Variants in VPS13C observed in about 807,000 individuals in gnomAD.
The protein encoded by VPS13C is intermembrane lipid transfer protein VPS13C.
In VPS13C, 358 loss-of-function variants were observed where a neutral mutation model predicts 456.8. That is an observed-to-expected ratio of 0.78 (90% confidence interval 0.72 to 0.86). The LOEUF is 0.86. VPS13C is among the 40% of genes least tolerant of loss of function. The pLI is 0.00. For missense variants in VPS13C, 4,818 were observed against 4,385.4 expected (o/e 1.10, Z -2.79); for synonymous variants, 1,578 against 1,486.7 (o/e 1.06, Z -1.41).
In VPS13C at chr15:61,947,185, C is replaced by A; in HGVS notation, c.4876+8G>T. On this transcript the variant is annotated splice_region_variant and intron_variant, in intron 43 of 84. Transcript: ENST00000644861. ...CAGAAATACCTACAACAAGAAGTAACTACTTACCATGTATTTTAATATCTG... is the reference window on the plus strand; with the variant it reads ...CAGAAATACCTACAACAAGAAGTAAATACTTACCATGTATTTTAATATCTG... 6.6e-7 allele frequency: 1 copy of A among 1,521,028 alleles called. No individual in the cohort carries two copies. The highest frequency in any genetic ancestry group is 8.9e-7 in the Non-Finnish European group (1 of 1,121,256). 94.2% of individuals were successfully genotyped at this position (1,521,028 alleles called of 1,614,324 possible).
At chr15:62,034,205 C>T (rs1346493270) in intron 4 of VPS13C, among the ~76,000 whole-genome samples, 1 of 151,522 alleles carries the variant, frequency 6.6e-6, no homozygotes, top group East Asian at 1.9e-4. Context: ...GTCACTGTCA[C>T]TGTGAAAACT....
At chr15:61,885,759 T>TACAATCCATACTGTTCCACACATAC (rs1896217896) in intron 67 of VPS13C, among the ~76,000 whole-genome samples, 1 of 152,138 alleles carries the variant, frequency 6.6e-6, no homozygotes, top group African/African-American at 2.4e-5. Flanking sequence ...ATTTTTCCCA[T>TACAATCCATACTGTTCCACACATAC]AATCAGTTGT....
At chr15:61,894,819 A>G (rs576406410) in intron 66 of VPS13C, among the ~76,000 whole-genome samples, 11 of 152,292 alleles carry the variant, frequency 7.2e-5, no homozygotes, top group African/African-American at 2.2e-4. Context: ...TCTCAGTAAT[A>G]GAGAGATCAT....
intron 16 of VPS13C, 114 bp downstream of exon 16, chr15:62,000,450 G>C: frequency 1.1e-6 from 1 of 942,766 alleles, no homozygotes; most frequent in Non-Finnish European, 1.6e-6. Context: ...TTTCTCCTGA[G>C]ACTAAATTAA....
rs143736854 is a variant in VPS13C at position 61,985,014 on chromosome 15, T to A, written c.1579-15A>T. ...TGGGCAACATACTATACAGAAAGAA[T>A]GAAATTAAAATTGTTAAAGTTTAAA... On this transcript the variant is annotated splice_polypyrimidine_tract_variant and intron_variant, in intron 18 of 84. Coordinates refer to ENST00000644861, the MANE Select transcript of VPS13C (RefSeq NM_020821.3). 7.2e-7 allele frequency: 1 copy of A among 1,397,746 alleles called. No individual in the cohort carries two copies. Among genetic ancestry groups the A allele is most frequent in the Non-Finnish European group, 9.4e-7 (1 of 1,064,118 alleles). 86.6% of individuals were successfully genotyped at this position (1,397,746 alleles called of 1,614,324 possible). A position where few individuals can be genotyped will look rare whatever the true frequency, so the allele number is the denominator to read the frequency against.
chr15:61,967,621 T>C (rs1029724414), intron 28 of VPS13C, among the ~76,000 whole-genome samples, 174 bp from the exon 29 acceptor site: 2 of 152,006 alleles, frequency 1.3e-5, no homozygotes, highest in African/African-American at 4.8e-5. Context: ...CCAATCCAAA[T>C]TGTTACCTCT....
intron 16 of VPS13C, among the ~76,000 whole-genome samples, chr15:61,992,935 GACA>G (rs2046270011): frequency 6.6e-6 from 1 of 151,850 alleles, no homozygotes; most frequent in Admixed American, 6.6e-5. Context: ...CCACTGAGAT[GACA>G]ACAAACTAGT....
intron 16 of VPS13C, among the ~76,000 whole-genome samples, chr15:61,994,567 G>A (rs1362961984): frequency 6.6e-6 from 1 of 151,802 alleles, no homozygotes; most frequent in Non-Finnish European, 1.5e-5. Flanking sequence ...TCTGGTATAT[G>A]CACAGAATGG....
At chr15:61,899,789 G>A (rs1316793840) in intron 66 of VPS13C, among the ~76,000 whole-genome samples, 1 of 151,950 alleles carries the variant, frequency 6.6e-6, no homozygotes, top group Non-Finnish European at 1.5e-5. Context: ...TGATACCAAA[G>A]CTGGGCAGAG....
intron 53 of VPS13C, among the ~76,000 whole-genome samples, chr15:61,924,613 A>T (rs2043784006): frequency 6.6e-6 from 1 of 152,216 alleles, no homozygotes; most frequent in African/African-American, 2.4e-5. Context: ...TTTTTCCCTC[A>T]TTTACTACTT....
rs773654550 is a variant in VPS13C at position 61,875,714 on chromosome 15, C to T, written c.10338+18G>A. On this transcript the variant is annotated intron_variant, in intron 76 of 84. Transcript: ENST00000644861. Reference sequence around the variant, plus strand: ...CATTTTTCTGTACCTATCCTTAGAACAAATAAGAGGTCAATACCTGGAAGG... The same window carrying T: ...CATTTTTCTGTACCTATCCTTAGAATAAATAAGAGGTCAATACCTGGAAGG... 3 of 1,579,574 alleles carry T rather than the reference C, an allele frequency of 1.9e-6. No individual in the cohort carries two copies. Among genetic ancestry groups the T allele is most frequent in the Non-Finnish European group, 2.6e-6 (3 of 1,152,746 alleles).
At chr15:62,026,918 T>G (rs1596497418) in intron 6 of VPS13C, among the ~76,000 whole-genome samples, 1 of 152,124 alleles carries the variant, frequency 6.6e-6, no homozygotes, top group Admixed American at 6.5e-5. Context: ...TGCCACTGCC[T>G]TGAATCATGC....
At chr15:61,934,416 T>G (rs1290009591) in intron 48 of VPS13C, 85 bp from the exon 49 acceptor site, 3 of 671,416 alleles carry the variant, frequency 4.5e-6, no homozygotes, top group Non-Finnish European at 6.9e-6. Context: ...TATTCTAAAT[T>G]TATATGACGC....
chr15:61,883,075 T>C (rs1461310261), intron 68 of VPS13C, among the ~76,000 whole-genome samples: 3 of 152,076 alleles, frequency 2.0e-5, no homozygotes, highest in Admixed American at 1.3e-4. Flanking sequence ...CTGTCACAAG[T>C]GCAGTGGCAA....
chr15:61,926,966 TA>T, intron 52 of VPS13C, 124 bp downstream of exon 52: 1 of 862,922 alleles, frequency 1.2e-6, no homozygotes, highest in Non-Finnish European at 1.8e-6. Context: ...TCTTTATATG[TA>T]AAACCCCAAG....
chr15:61,951,840 C>A lies in VPS13C; in HGVS notation c.4440G>T (p.Gln1480His), dbSNP rs762537655. 4 of 1,611,478 alleles carry A rather than the reference C, an allele frequency of 2.5e-6. No homozygotes were observed. The change falls in exon 39 of 85, where the codon CAG (glutamine) becomes CAT (histidine). Residue 1480 changes from glutamine to histidine, a missense_variant. Physicochemically the swap from Gln to His is conservative, Grantham distance 24. Around this residue, in one of 3 missense-constraint regions of VPS13C, gnomAD observed 4,552 missense variants for 4,130.6 expected, o/e 1.10. Transcript: ENST00000644861. ...AKAYLKKISM[Q>H]CFDFTDSKGE... is the part of the protein sequence containing the mutation. The stretch of plus-strand genomic sequence containing the variant: ...CACACTTACCAGTGAAATCAAAGCA[C>A]TGCATACTAATTTTTTTTAGATAAG...
At chr15:61,881,481 C>T (rs1030104416) in intron 71 of VPS13C, 82 bp downstream of exon 71, 8 of 1,390,862 alleles carry the variant, frequency 5.8e-6, no homozygotes, top group Non-Finnish European at 7.8e-6. Flanking sequence ...ATGAAAGTCA[C>T]TTTCAAAAAG....
At chr15:61,915,574 C>G in intron 61 of VPS13C, 59 bp downstream of exon 61, 1 of 1,486,452 alleles carries the variant, frequency 6.7e-7, no homozygotes, top group Non-Finnish European at 9.0e-7. Context: ...ACAAATGACT[C>G]CCAAGTTTCT....
At chr15:61,974,252 A>AT (rs765403260) in intron 25 of VPS13C, 36 bp downstream of exon 25, 10 of 1,572,142 alleles carry the variant, frequency 6.4e-6, no homozygotes, top group Non-Finnish European at 7.8e-6. Flanking sequence ...CTAAAACAAT[A>AT]AAAATAGGGT....
Sources: allele counts gnomAD v4.1 joint callset (sites outside exome capture counted in the v4.1 genomes callset), GRCh38; gene constraint gnomAD v4.1.1; regional missense constraint gnomAD v4.1.1; transcripts MANE v1.5; gene names NCBI Gene and HGNC (gene_info 2026-07-23, HGNC 2026-07-21).